Variants in ZNF827 observed in about 807,000 individuals in gnomAD.
The protein encoded by ZNF827 is zinc finger protein 827.
ZNF827 carries 13 observed loss-of-function variants against 102.4 expected under a neutral mutation model. That is an observed-to-expected ratio of 0.13 (90% CI 0.08 to 0.20). The LOEUF is 0.20. Ranked by LOEUF, ZNF827 falls within the 10% of genes least tolerant of loss-of-function variation. The pLI is 1.00. For missense variants in ZNF827, 1,103 were observed against 1,344.4 expected, an observed-to-expected ratio of 0.82 and a Z score of 2.81; for synonymous variants, 523 against 536.2, an observed-to-expected ratio of 0.98 and a Z score of 0.34.
In ZNF827 at chr4:145,864,467, A is replaced by T. The variant is rs370376438; in HGVS notation, c.1981+5778T>A. ...AAATTAGCTGAGTGTGATGATGCAC[A>T]TCTGTAGTTCTAGCTACTCTGGAGC... On this transcript the variant is annotated intron_variant, in intron 5 of 14. Coordinates refer to ENST00000508784, the MANE Select transcript of ZNF827 (RefSeq NM_001306215.2). 3.7e-3 allele frequency among the ~76,000 whole-genome samples: 554 copies of T among 150,454 alleles called. 26 individuals are homozygous for T. The South Asian group carries it at 0.096, about 26-fold the overall frequency.
Position 145,761,216 on chromosome 4 carries a change from G to C in ZNF827, c.*400C>G. 1 of 1,289,838 alleles carries C rather than the reference G, an allele frequency of 7.8e-7. No individual in the cohort carries two copies. Among genetic ancestry groups the C allele is most frequent in the African/African-American group, 1.5e-5 (1 of 65,996 alleles). The allele number at this position is 1,289,838 out of a possible 1,614,324, so 79.9% of individuals were successfully genotyped here. A position where few individuals can be genotyped will look rare whatever the true frequency, so the allele number is the denominator to read the frequency against. Reference sequence around the variant, plus strand: ...CCACTCTGGTGCTTCTTGACGTGGCGGCTGAAGACGAAAGGGTGTGTGGTC... The same window carrying C: ...CCACTCTGGTGCTTCTTGACGTGGCCGCTGAAGACGAAAGGGTGTGTGGTC... On this transcript the variant is annotated 3_prime_UTR_variant, in exon 15 of 15. Coordinates refer to ENST00000508784, the MANE Select transcript of ZNF827 (RefSeq NM_001306215.2). This position sits in a 1 kb window ranked among gnomAD's most constrained non-coding sequence, Gnocchi z 6.8.
At chr4:145,787,592 A>G (rs191837875) in intron 8 of ZNF827, among the ~76,000 whole-genome samples, 1 of 152,254 alleles carries the variant, frequency 6.6e-6, no homozygotes, top group East Asian at 1.9e-4. Flanking sequence ...TCAACCTCCA[A>G]TGCTTAACAA....
intron 2 of ZNF827, among the ~76,000 whole-genome samples, chr4:145,896,286 A>G (rs944345797): frequency 1.3e-5 from 2 of 152,228 alleles, no homozygotes; most frequent in Admixed American, 6.5e-5. Context: ...GCTTGGCCCA[A>G]CGTTGTAGTT....
rs139381344 is a variant in ZNF827 at position 145,849,537 on chromosome 4, A to G, written c.2006T>C (p.Met669Thr). ...CATGGGTTCCTCTTTAATCTTCACC[A>G]TCTGTGTTTCCTTGTAGCTTTCCGC... ...LSAESYKETQ[M>T]VKIKEEPMEV... The change falls in exon 6 of 15, where the codon ATG becomes ACG. Residue 669 changes from methionine to threonine, a missense_variant. By Grantham distance (81) the Met-to-Thr change is moderately conservative. Around this residue, in one of 5 missense-constraint regions of ZNF827, gnomAD observed 243 missense variants for 251.6 expected, o/e 0.97. Coordinates refer to ENST00000508784, the MANE Select transcript of ZNF827 (RefSeq NM_001306215.2). 6 of 1,614,142 alleles carry G rather than the reference A, an allele frequency of 3.7e-6. No homozygotes were observed. In the East Asian group the frequency reaches 6.7e-5, roughly 18 times the overall value.
chr4:145,783,979 A>C (rs1485900942), intron 8 of ZNF827, among the ~76,000 whole-genome samples: 5 of 152,160 alleles, frequency 3.3e-5, no homozygotes, highest in Admixed American at 3.3e-4. Context: ...TGCTGTTCTC[A>C]TGATAGTGAG....
chr4:145,809,126 G>T (rs910037849), intron 8 of ZNF827, among the ~76,000 whole-genome samples: 1 of 152,216 alleles, frequency 6.6e-6, no homozygotes, highest in African/African-American at 2.4e-5. Flanking sequence ...ATGTGGTTCT[G>T]CCAAAGTGGA....
chr4:145,807,009 C>T (rs1001722643), intron 8 of ZNF827, among the ~76,000 whole-genome samples: 4 of 152,176 alleles, frequency 2.6e-5, no homozygotes, highest in Non-Finnish European at 5.9e-5. Context: ...GAGTAAGCTT[C>T]GTGAACCTCC....
intron 7 of ZNF827, among the ~76,000 whole-genome samples, chr4:145,844,085 A>C (rs1372735877): frequency 6.6e-6 from 1 of 152,136 alleles, no homozygotes; most frequent in African/African-American, 2.4e-5. Flanking sequence ...TTCAAGGTCT[A>C]CTAATCTGTC....
At chr4:145,906,882 G>A (rs930078542) in intron 1 of ZNF827, among the ~76,000 whole-genome samples, 7 of 152,196 alleles carry the variant, frequency 4.6e-5, no homozygotes, top group Non-Finnish European at 8.8e-5. Flanking sequence ...AGAAAACTTG[G>A]ATGCATGAAG....
At chr4:145,884,842 T>C (rs112273660) in intron 4 of ZNF827, among the ~76,000 whole-genome samples, 11 of 152,256 alleles carry the variant, frequency 7.2e-5, no homozygotes, top group South Asian at 2.1e-4. Context: ...ATCAGGGCAG[T>C]TTTTTTAAAA....
intron 6 of ZNF827, among the ~76,000 whole-genome samples, chr4:145,846,709 T>A (rs112389484): frequency 4.2e-4 from 53 of 127,090 alleles, no homozygotes; most frequent in Middle Eastern, 7.8e-3. Context: ...CCCAGCTACT[T>A]GGGAGGCTGA....
rs1734776045 is a variant in ZNF827, at chr4:145,763,049, G to A, written c.*17+41C>T. 4.6e-6 allele frequency: 7 copies of A among 1,520,408 alleles called. No individual in the cohort carries two copies. The East Asian group carries it at 1.7e-4, about 37-fold the overall frequency. The allele number at this position is 1,520,408 out of a possible 1,614,324, so 94.2% of individuals were successfully genotyped here. ...AGAGAAATATAAAGCCCATTCCCAG[G>A]TCAGGTGCACACACAACCCCTACGC... On this transcript the variant is annotated intron_variant, in intron 14 of 14. Transcript: ENST00000508784. This position sits in a 1 kb window ranked among gnomAD's most constrained non-coding sequence, Gnocchi z 4.6.
At chr4:145,872,351 C>T (rs968670804) in intron 4 of ZNF827, among the ~76,000 whole-genome samples, 4 of 152,090 alleles carry the variant, frequency 2.6e-5, no homozygotes, top group Admixed American at 1.3e-4. Flanking sequence ...CAGGGATGCA[C>T]GCACACAGAG....
chr4:145,760,690 C>A lies in ZNF827; in HGVS notation c.*926G>T. On this transcript the variant is annotated 3_prime_UTR_variant, in exon 15 of 15. Transcript: ENST00000508784. ...GGTCTGTAGGTTTTGCAGCAACATA[C>A]ACCTGCTGGGGTTGTGTTTAAGTTT... is the stretch of plus-strand genomic sequence containing the variant. 1.0e-6 allele frequency: 1 copy of A among 968,030 alleles called. No homozygotes were observed. Among genetic ancestry groups the A allele is most frequent in the Non-Finnish European group, 1.3e-6 (1 of 777,230 alleles). The allele number at this position is 968,030 out of a possible 1,614,324, so 60.0% of individuals were successfully genotyped here.
chr4:145,793,311 T>TTAA (rs1491198726), intron 8 of ZNF827, among the ~76,000 whole-genome samples: 79 of 732 alleles, frequency 0.11, 2 homozygotes, highest in African/African-American at 0.24. Context: ...TTATATATAC[T>TTAA]TATATATAAT....
At chr4:145,903,337 T>C in intron 1 of ZNF827, 122 bp from the exon 2 acceptor site, 2 of 1,442,244 alleles carry the variant, frequency 1.4e-6, no homozygotes, top group Non-Finnish European at 1.8e-6. Flanking sequence ...AAATGAAAGG[T>C]GGCAACAGCC....
rs550570109 is a variant in ZNF827 at position 145,845,474 on chromosome 4, A to G, written c.2279+482T>C. 6.6e-5 allele frequency among the ~76,000 whole-genome samples: 10 copies of G among 152,266 alleles called. No individual in the cohort carries two copies. The East Asian group carries it at 1.7e-3, about 26-fold the overall frequency. On this transcript the variant is annotated intron_variant, in intron 7 of 14. Transcript: ENST00000508784. Reference sequence around the variant, plus strand: ...TGCCTTTAAAATCTTTGCCTTCCAAATAACGCTGGGAGGTTAAAAAAAATT... The same window carrying G: ...TGCCTTTAAAATCTTTGCCTTCCAAGTAACGCTGGGAGGTTAAAAAAAATT...
intron 7 of ZNF827, among the ~76,000 whole-genome samples, chr4:145,828,050 G>T (rs116780188): frequency 1.3e-5 from 2 of 152,146 alleles, no homozygotes; most frequent in Non-Finnish European, 2.9e-5. Flanking sequence ...AGCGGGCAGC[G>T]GAGAGGCAAG....
chr4:145,825,541 T>C (rs548746204), intron 7 of ZNF827, among the ~76,000 whole-genome samples: 34 of 152,264 alleles, frequency 2.2e-4, no homozygotes, highest in Non-Finnish European at 4.0e-4. Flanking sequence ...GCAGCGACAC[T>C]TGCAGGTCGA....
Sources: gnomAD v4.1 joint callset for allele counts (sites outside exome capture counted in the v4.1 genomes callset) on GRCh38, gnomAD v4.1.1 for gene constraint, gnomAD v4.1.1 regional missense constraint, Gnocchi (gnomAD v3.1) non-coding constraint, MANE v1.5 for transcripts, NCBI Gene and HGNC (gene_info 2026-07-23, HGNC 2026-07-21) for gene names.